Variants in MRAP observed in about 807,000 individuals in gnomAD.
The protein encoded by MRAP is melanocortin-2 receptor accessory protein.
A neutral mutation model predicts 8.7 loss-of-function variants in MRAP; 8 were observed. That is an observed-to-expected ratio of 0.92 (90% CI 0.54 to 1.66). The LOEUF (loss-of-function observed/expected upper bound fraction) is 1.66. Among genes scored for constraint, MRAP ranks in the 40% most tolerant of loss-of-function variants. MRAP has a pLI of 0.00. For missense variants in MRAP, 237 were observed against 217.1 expected, an observed-to-expected ratio of 1.09 and a Z score of -0.58; for synonymous variants, 95 against 95.5, an observed-to-expected ratio of 1.00 and a Z score of 0.03.
upstream of MRAP, among the ~76,000 whole-genome samples, chr21:32,294,469 T>G (rs904290741): frequency 6.6e-6 from 1 of 152,284 alleles, no homozygotes; most frequent in East Asian, 1.9e-4. Flanking sequence ...TTGGAGCACT[T>G]TTTGATGTGC....
At chr21:32,307,156 A>G (rs1393992805) in intron 2 of MRAP, among the ~76,000 whole-genome samples, 3 of 152,180 alleles carry the variant, frequency 2.0e-5, no homozygotes, top group African/African-American at 7.2e-5. Context: ...TTCACACAAA[A>G]CATCCAGAGT....
chr21:32,299,274 G>C (rs1055018841), intron 1 of MRAP, among the ~76,000 whole-genome samples, 197 bp downstream of exon 1: 4 of 152,214 alleles, frequency 2.6e-5, no homozygotes, highest in African/African-American at 9.6e-5. Context: ...TCTGTAATAA[G>C]CTTGGAATTA....
intron 1 of MRAP, 30 bp downstream of exon 1, chr21:32,299,107 C>T: frequency 6.3e-7 from 1 of 1,586,370 alleles, no homozygotes; most frequent in Non-Finnish European, 8.7e-7. Context: ...GCCGGTCAGA[C>T]AGAGGCTGGG....
At chr21:32,300,976 A>G (rs969025385) in intron 1 of MRAP, among the ~76,000 whole-genome samples, 11 of 123,050 alleles carry the variant, frequency 8.9e-5, no homozygotes, top group Admixed American at 8.4e-4. Context: ...AAGATGTATC[A>G]TATTTCATAT....
intron 1 of MRAP, among the ~76,000 whole-genome samples, chr21:32,306,069 C>T (rs1411995542): frequency 2.0e-5 from 3 of 152,138 alleles, no homozygotes; most frequent in Non-Finnish European, 2.9e-5. Flanking sequence ...GAGGGACTCG[C>T]TATTTCCACC....
In MRAP at chr21:32,302,260, G is replaced by A. The variant is rs2032311761; in HGVS notation, c.106+3183G>A. Among the ~76,000 whole-genome samples, 2 of 152,206 alleles carry A rather than the reference G, an allele frequency of 1.3e-5. 1 individual carries two copies. Among genetic ancestry groups the A allele is most frequent in the African/African-American group, 4.8e-5 (2 of 41,456 alleles). ...GTTAATGAAATGGGTGATTAAGCTG[G>A]TTGATACCATCTGGATGTCATAAAT... On this transcript the variant is annotated intron_variant, in intron 1 of 2. Transcript: ENST00000303645.
chr21:32,306,873 T>C, intron 2 of MRAP, 134 bp downstream of exon 2: 1 of 767,922 alleles, frequency 1.3e-6, no homozygotes, highest in East Asian at 2.7e-5. Context: ...AATATTTGCA[T>C]TGTACCTACC....
chr21:32,299,125 G>C (rs955050077), intron 1 of MRAP, 48 bp downstream of exon 1: 2 of 1,488,582 alleles, frequency 1.3e-6, no homozygotes, highest in Non-Finnish European at 1.9e-6. Context: ...GGGGGCCGGG[G>C]CCCAAATGAC....
intron 1 of MRAP, among the ~76,000 whole-genome samples, chr21:32,301,130 T>G (rs2032291105): frequency 2.7e-5 from 4 of 149,402 alleles, no homozygotes; most frequent in Admixed American, 2.6e-4. Flanking sequence ...GATGGCTAAT[T>G]TCTTTGTATT....
upstream of MRAP, among the ~76,000 whole-genome samples, chr21:32,295,010 G>A (rs2123489644): frequency 6.6e-6 from 1 of 151,608 alleles, no homozygotes; most frequent in East Asian, 1.9e-4. Flanking sequence ...TGTGTATTCT[G>A]CAACTGTTGA....
At chr21:32,299,868 C>T (rs940514724) in intron 1 of MRAP, among the ~76,000 whole-genome samples, 1 of 152,208 alleles carries the variant, frequency 6.6e-6, no homozygotes. Context: ...TTTTGCTCAT[C>T]TGCCCTCGGG....
rs905643271 is a variant in MRAP at position 32,312,058 on chromosome 21, C to T, written c.*62C>T. 92 of 1,607,954 alleles carry T rather than the reference C, an allele frequency of 5.7e-5. No homozygotes were observed. In the African/African-American group the frequency reaches 7.1e-4, roughly 12 times the overall value. On this transcript the variant is annotated 3_prime_UTR_variant, in exon 3 of 3. Coordinates refer to ENST00000303645, the MANE Select transcript of MRAP (RefSeq NM_001379228.1). ...GAAATCAAGCCAACCTGGACACATA[C>T]GTTCCTCGTTCTTCTTAGAGGCCAT...
In MRAP at chr21:32,311,798, G is replaced by C; in HGVS notation, c.321G>C (p.Gln107His). The C allele has an allele frequency of 6.2e-7, 1 of 1,614,116 alleles. No homozygotes were observed. The highest frequency in any genetic ancestry group is 8.5e-7 in the Non-Finnish European group (1 of 1,180,040). Residue 107 changes from glutamine to histidine, a missense_variant, in exon 3 of 3, where the codon CAG becomes CAC. Gln to His is a conservative substitution (Grantham distance 24). Coordinates refer to ENST00000303645, the MANE Select transcript of MRAP (RefSeq NM_001379228.1). ...HREPLATSQA[Q>H]ASSVEPGSRT... is the part of the protein sequence containing the mutation. Reference sequence around the variant, plus strand: ...AACCCCTGGCAACCTCACAGGCTCAGGCGAGCTCAGTGGAGCCAGGGAGCA... The same window carrying C: ...AACCCCTGGCAACCTCACAGGCTCACGCGAGCTCAGTGGAGCCAGGGAGCA...
chr21:32,304,959 TTTGTTG>T (rs1568797810), intron 1 of MRAP, among the ~76,000 whole-genome samples: 5 of 131,726 alleles, frequency 3.8e-5, no homozygotes, highest in African/African-American at 1.4e-4. Flanking sequence ...ATTTGTTTTT[TTTGTTG>T]TTTTTTTTTT....
intron 1 of MRAP, among the ~76,000 whole-genome samples, chr21:32,305,055 C>T (rs192292700): frequency 4.0e-5 from 6 of 149,300 alleles, no homozygotes; most frequent in Admixed American, 4.0e-4. Context: ...TCACTTCAGC[C>T]TTGAACTCCT....
intron 2 of MRAP, among the ~76,000 whole-genome samples, chr21:32,307,509 G>A (rs1401339225): frequency 3.3e-5 from 5 of 150,480 alleles, no homozygotes; most frequent in Admixed American, 6.6e-5. Context: ...CCCAGGTGGC[G>A]GAGGTTGCAG....
At chr21:32,310,657 T>A (rs575921490) in intron 2 of MRAP, among the ~76,000 whole-genome samples, 1 of 151,940 alleles carries the variant, frequency 6.6e-6, no homozygotes, top group African/African-American at 2.4e-5. Flanking sequence ...TTTTTTTCTT[T>A]TTTTTTTTGA....
chr21:32,314,275 C>CCA, downstream of MRAP: 1 of 382,144 alleles, frequency 2.6e-6, no homozygotes, highest in Admixed American at 3.7e-5. Flanking sequence ...GCCTCCACCT[C>CCA]CCAGGTTCAA....
chr21:32,301,048 G>T (rs895546490), intron 1 of MRAP, among the ~76,000 whole-genome samples: 1 of 150,960 alleles, frequency 6.6e-6, no homozygotes, highest in African/African-American at 2.4e-5. Flanking sequence ...TATATCATAT[G>T]ATATATATCA....
Sources: gnomAD v4.1 joint callset for allele counts (sites outside exome capture counted in the v4.1 genomes callset) on GRCh38, gnomAD v4.1.1 for gene constraint, MANE v1.5 for transcripts, NCBI Gene and HGNC (gene_info 2026-07-23, HGNC 2026-07-21) for gene names.